Variants in NF1 observed in about 807,000 individuals in gnomAD.
The protein encoded by NF1 is neurofibromin 1.
NF1 carries 122 observed loss-of-function variants against 325.7 expected under a neutral mutation model. The ratio of observed to expected loss-of-function variants is 0.37; its 90% CI spans 0.32 to 0.44. The LOEUF is 0.44. Ranked by LOEUF, NF1 falls within the 20% of genes least tolerant of loss-of-function variation. The pLI is 1.00. For synonymous variants in NF1, 1,091 were observed against 1,186.0 expected, an observed-to-expected ratio of 0.92 and a Z score of 1.65; for missense variants, 2,140 against 3,415.4, an observed-to-expected ratio of 0.63 and a Z score of 9.31.
At chr17:31,260,063 CT>C (rs534375184) in intron 33 of NF1, among the ~76,000 whole-genome samples, 1 of 152,160 alleles carries the variant, frequency 6.6e-6, no homozygotes, top group Non-Finnish European at 1.5e-5. Flanking sequence ...TTGGGGAGGT[CT>C]TTCGTCTGGA....
chr17:31,255,220 C>T (rs1054691317), intron 31 of NF1, among the ~76,000 whole-genome samples: 1 of 152,000 alleles, frequency 6.6e-6, no homozygotes, highest in African/African-American at 2.4e-5. Flanking sequence ...CATGCATTCG[C>T]GTTATGTAGT....
In NF1 at chr17:31,377,225, G is replaced by C. The variant is rs1487655565; in HGVS notation, c.*3070G>C. ...CCTGTAAATAGTTTGTGTAAAATTT[G>C]ACAAAAAAAGTATATTTACTATACT... On this transcript the variant is annotated 3_prime_UTR_variant, in exon 58 of 58. Transcript: ENST00000358273. 1 of 232,836 alleles carries C rather than the reference G, an allele frequency of 4.3e-6. No homozygotes were observed. Among genetic ancestry groups the C allele is most frequent in the Non-Finnish European group, 8.5e-6 (1 of 117,828 alleles). 14.4% of individuals were successfully genotyped at this position (232,836 alleles called of 1,614,324 possible).
intron 51 of NF1, among the ~76,000 whole-genome samples, chr17:31,352,880 A>G (rs1597862727): frequency 6.6e-6 from 1 of 152,156 alleles, no homozygotes; most frequent in East Asian, 1.9e-4. Context: ...ATGCTTCTCA[A>G]TTACCGAAAG....
At chr17:31,153,358 A>G (rs1917079598) in intron 1 of NF1, among the ~76,000 whole-genome samples, 1 of 152,248 alleles carries the variant, frequency 6.6e-6, no homozygotes. Context: ...CATGTAGAGC[A>G]CTATCATTAC....
At chr17:31,311,257 A>G (rs1458379148) in intron 36 of NF1, among the ~76,000 whole-genome samples, 1 of 152,128 alleles carries the variant, frequency 6.6e-6, no homozygotes, top group Non-Finnish European at 1.5e-5. Context: ...CCGGCCATAG[A>G]CATGTTCTTA....
At chr17:31,287,650 C>T (rs2068260182) in intron 36 of NF1, among the ~76,000 whole-genome samples, 1 of 151,920 alleles carries the variant, frequency 6.6e-6, no homozygotes, top group Non-Finnish European at 1.5e-5. Context: ...ACATCCGCCT[C>T]CTGGGCTCAA....
At position 31,347,301 on chromosome 17, in the gene NF1, G is replaced by T. The variant is rs1170507677; in HGVS notation, c.7190-1819G>T. Reference sequence around the variant, plus strand: ...ACATATTATAAATATGTGGTAAAGGGAATGGAGCCTGTGGGGTTGAGCAGA... The same window carrying T: ...ACATATTATAAATATGTGGTAAAGGTAATGGAGCCTGTGGGGTTGAGCAGA... On this transcript the variant is annotated intron_variant, in intron 48 of 57. Transcript: ENST00000358273. Among the ~76,000 whole-genome samples the T allele has an allele frequency of 4.0e-5, 6 of 151,454 alleles. No individual in the cohort carries two copies. The East Asian group carries it at 1.2e-3, about 29-fold the overall frequency.
Position 31,342,147 on chromosome 17 carries a change from A to G in NF1, c.7063-862A>G, listed in dbSNP as rs141368998. ...TAATCAGACCTCCATTTTGCAAATT[A>G]GAAAGGAACTAAGAAGTTAAGTAAC... On this transcript the variant is annotated intron_variant, in intron 47 of 57. Transcript: ENST00000358273. Among the ~76,000 whole-genome samples, 313 of 152,332 alleles carry G rather than the reference A, an allele frequency of 2.1e-3. 2 individuals are homozygous for G. Among genetic ancestry groups the G allele is most frequent in the African/African-American group, 7.4e-3 (306 of 41,574 alleles).
intron 1 of NF1, 120 bp downstream of exon 1, chr17:31,095,489 GGAAGGGAAGA>G (rs1190253545): frequency 1.0e-6 from 1 of 978,782 alleles, no homozygotes; most frequent in Non-Finnish European, 1.5e-6. Context: ...GGAAAGGAAG[GGAAGGGAAGA>G]GAAGGGAAGG....
chr17:31,358,346 C>T (rs781380728), intron 54 of NF1, 134 bp from the exon 55 acceptor site: 3 of 893,896 alleles, frequency 3.4e-6, no homozygotes, highest in South Asian at 1.6e-5. Context: ...AGAAATGCCC[C>T]AGAAAGTAAA....
At chr17:31,200,656 T>C (rs2066511867) in intron 9 of NF1, 61 bp downstream of exon 9, 41 of 1,544,606 alleles carry the variant, frequency 2.7e-5, no homozygotes, top group Non-Finnish European at 3.6e-5. Context: ...TTTTCTAGCA[T>C]AAGTATTATG....
intron 1 of NF1, among the ~76,000 whole-genome samples, chr17:31,134,677 A>G (rs954938591): frequency 6.6e-6 from 1 of 152,164 alleles, no homozygotes; most frequent in African/African-American, 2.4e-5. Flanking sequence ...TTTGCTTCCA[A>G]GTAAATTCAC....
In NF1 at chr17:31,258,333, CTTG is replaced by C. The variant is rs751729752; in HGVS notation, c.4174-8_4174-6del. 1,052 of 1,613,366 alleles carry C rather than the reference CTTG, an allele frequency of 6.5e-4. 3 individuals carry two copies. The highest frequency in any genetic ancestry group is 8.2e-4 in the Non-Finnish European group (967 of 1,179,712). On this transcript the variant is annotated splice_region_variant and splice_polypyrimidine_tract_variant and intron_variant, in intron 31 of 57. Coordinates refer to ENST00000358273, the MANE Select transcript of NF1 (RefSeq NM_001042492.3). ...AAACCTTATACTCAATTCTCAACTC[CTTG>C]TTTTTAGGTGGTTAGCCAGCGTTTC...
At chr17:31,282,523 C>G (rs749674989) in intron 36 of NF1, among the ~76,000 whole-genome samples, 14 of 152,268 alleles carry the variant, frequency 9.2e-5, no homozygotes, top group African/African-American at 1.9e-4. Context: ...CTCCTGCCCC[C>G]CCTCAGCCCC....
intron 24 of NF1, 26 bp from the exon 25 acceptor site, chr17:31,232,042 AATTTT>A: frequency 9.8e-7 from 1 of 1,025,612 alleles, no homozygotes; most frequent in Non-Finnish European, 1.4e-6. Flanking sequence ...ATGGTCTCTA[AATTTT>A]TTTTTTTTTT....
chr17:31,129,611 C>T (rs886390831), intron 1 of NF1, among the ~76,000 whole-genome samples: 4 of 151,686 alleles, frequency 2.6e-5, no homozygotes, highest in South Asian at 2.1e-4. Flanking sequence ...TTGTATTTTT[C>T]GTAGAGACGG....
intron 39 of NF1, 31 bp from the exon 40 acceptor site, chr17:31,334,807 C>T (rs777861249): frequency 4.0e-6 from 6 of 1,502,148 alleles, no homozygotes; most frequent in Middle Eastern, 1.7e-4. Context: ...TTTCATTGAC[C>T]ATCACATGCT....
Position 31,219,023 on chromosome 17 carries a change from C to T in NF1, c.1546C>T (p.Pro516Ser). 6.2e-7 allele frequency: 1 copy of T among 1,613,354 alleles called. No individual in the cohort carries two copies. The highest frequency in any genetic ancestry group is 2.2e-5 in the East Asian group (1 of 44,864). Residue 516 changes from proline to serine, a missense_variant, in exon 14 of 58, where the codon CCC becomes TCC. Around this residue, in one of 10 missense-constraint regions of NF1, gnomAD observed 179 missense variants for 381.0 expected, o/e 0.47. Coordinates refer to ENST00000358273, the MANE Select transcript of NF1 (RefSeq NM_001042492.3). ...LLLCNPRKQG[P>S]ETQGSTAELI... ...CTTGCAGAATCCAAGAAAACAGGGG[C>T]CCGAAACCCAAGGCAGTACAGCAGA...
At chr17:31,314,716 C>T (rs2068976507) in intron 36 of NF1, among the ~76,000 whole-genome samples, 1 of 152,116 alleles carries the variant, frequency 6.6e-6, no homozygotes, top group Admixed American at 6.6e-5. Context: ...TTTATAGACA[C>T]TTAGGTTGCT....
Sources: gnomAD v4.1 joint callset for allele counts (sites outside exome capture counted in the v4.1 genomes callset) on GRCh38, gnomAD v4.1.1 for gene constraint, gnomAD v4.1.1 regional missense constraint, MANE v1.5 for transcripts, NCBI Gene and HGNC (gene_info 2026-07-23, HGNC 2026-07-21) for gene names.